DENND1B: variants seen among roughly 807,000 people sequenced by gnomAD.
DENND1B encodes DENN domain-containing protein 1B.
A neutral mutation model predicts 90.1 loss-of-function variants in DENND1B; 59 were observed. The observed-to-expected ratio is 0.65, with a 90% CI of 0.53 to 0.81. The LOEUF (loss-of-function observed/expected upper bound fraction) is 0.81. Ranked by LOEUF, DENND1B falls within the 40% of genes least tolerant of loss-of-function variation. DENND1B has a pLI of 0.00. For synonymous variants in DENND1B, 337 were observed against 324.6 expected (o/e 1.04, Z -0.41); for missense variants, 862 against 912.6 (o/e 0.94, Z 0.71).
rs1328679220 is a variant in DENND1B at position 197,692,843 on chromosome 1, C to G, written c.127-18674G>C. On this transcript the variant is annotated intron_variant, in intron 3 of 22. Transcript: ENST00000620048. ...GTTGTTCTTGGAGATTCTTTTCTTTCCCTAAACTTTGCCTGGTAAGTTCAT... is the reference window on the plus strand; with the variant it reads ...GTTGTTCTTGGAGATTCTTTTCTTTGCCTAAACTTTGCCTGGTAAGTTCAT... Among the ~76,000 whole-genome samples the G allele has an allele frequency of 5.3e-5, 8 of 151,690 alleles. No individual in the cohort carries two copies. The East Asian group carries it at 1.5e-3, about 29-fold the overall frequency.
chr1:197,665,172 A>T (rs906883677), intron 5 of DENND1B, among the ~76,000 whole-genome samples: 6 of 151,938 alleles, frequency 3.9e-5, no homozygotes, highest in African/African-American at 9.7e-5. Flanking sequence ...CTAAATTCTA[A>T]TTTTTTTTCT....
At chr1:197,750,307 A>C (rs1653297494) in intron 2 of DENND1B, among the ~76,000 whole-genome samples, 1 of 152,208 alleles carries the variant, frequency 6.6e-6, no homozygotes, top group South Asian at 2.1e-4. Context: ...ATAATCATCA[A>C]GTACAATGTA....
intron 2 of DENND1B, among the ~76,000 whole-genome samples, chr1:197,720,900 T>G (rs1661109591): frequency 6.6e-6 from 1 of 152,152 alleles, no homozygotes; most frequent in South Asian, 2.1e-4. Flanking sequence ...TATAAGCAGA[T>G]GTTTGTACAA....
At chr1:197,676,906 G>T (rs1311812483) in intron 3 of DENND1B, among the ~76,000 whole-genome samples, 1 of 152,010 alleles carries the variant, frequency 6.6e-6, no homozygotes, top group Admixed American at 6.6e-5. Context: ...AATTGCTAGT[G>T]TTAGAGTGGT....
intron 18 of DENND1B, among the ~76,000 whole-genome samples, chr1:197,543,861 A>C (rs1670520705): frequency 6.6e-6 from 1 of 152,158 alleles, no homozygotes; most frequent in Admixed American, 6.5e-5. Context: ...ATTTTAACTC[A>C]AGGAATAACA....
At chr1:197,551,613 G>T (rs1339758769) in intron 16 of DENND1B, among the ~76,000 whole-genome samples, 1 of 152,066 alleles carries the variant, frequency 6.6e-6, no homozygotes. Context: ...TAAGACTACA[G>T]AATTTAACTG....
At chr1:197,631,249 G>T (rs569448720) in intron 10 of DENND1B, among the ~76,000 whole-genome samples, 6 of 152,102 alleles carry the variant, frequency 3.9e-5, no homozygotes, top group Admixed American at 2.0e-4. Flanking sequence ...ACATAATTTG[G>T]CAATCATTTT....
intron 10 of DENND1B, among the ~76,000 whole-genome samples, chr1:197,638,383 C>G (rs1035476322): frequency 6.6e-6 from 1 of 152,186 alleles, no homozygotes; most frequent in Non-Finnish European, 1.5e-5. Flanking sequence ...TTAAAAGAAG[C>G]ATCCCTTCCA....
At chr1:197,575,064 G>A (rs1305350406) in intron 15 of DENND1B, among the ~76,000 whole-genome samples, 1 of 152,120 alleles carries the variant, frequency 6.6e-6, no homozygotes, top group Non-Finnish European at 1.5e-5. Context: ...AAAAGCAATG[G>A]CAACAAAAGC....
intron 11 of DENND1B, among the ~76,000 whole-genome samples, chr1:197,614,713 T>C (rs3814321): frequency 0.8 from 120,662 of 150,664 alleles, 48,411 homozygotes; most frequent in East Asian, 0.87. Flanking sequence ...CAGCAGTCTA[T>C]TGGGGTAGTC....
intron 2 of DENND1B, among the ~76,000 whole-genome samples, chr1:197,755,263 A>G (rs1654128934): frequency 6.6e-6 from 1 of 152,222 alleles, no homozygotes; most frequent in African/African-American, 2.4e-5. Context: ...CCTCAAACAT[A>G]AAATAGGAAT....
At chr1:197,540,131 T>G in intron 19 of DENND1B, 60 bp from the exon 20 acceptor site, 1 of 1,176,780 alleles carries the variant, frequency 8.5e-7, no homozygotes, top group Non-Finnish European at 1.2e-6. Flanking sequence ...TACTAACGTA[T>G]TAGATTAATA....
At chr1:197,541,748 C>T (rs1386084146) in intron 18 of DENND1B, among the ~76,000 whole-genome samples, 3 of 152,150 alleles carry the variant, frequency 2.0e-5, no homozygotes, top group Non-Finnish European at 4.4e-5. Context: ...AAATATATGA[C>T]TGTGTGCTGG....
intron 10 of DENND1B, among the ~76,000 whole-genome samples, chr1:197,621,937 T>G (rs1678208294): frequency 6.6e-6 from 1 of 151,504 alleles, no homozygotes; most frequent in East Asian, 1.9e-4. Flanking sequence ...TATATTGAAC[T>G]AATACAGTTC....
intron 18 of DENND1B, among the ~76,000 whole-genome samples, chr1:197,542,536 T>C (rs997786460): frequency 4.6e-5 from 7 of 152,304 alleles, no homozygotes; most frequent in Middle Eastern, 3.4e-3. Context: ...TAGTTCACGA[T>C]AGGCACTCAA....
At chr1:197,665,960 T>G (rs1281130430) in intron 5 of DENND1B, among the ~76,000 whole-genome samples, 2 of 152,188 alleles carry the variant, frequency 1.3e-5, no homozygotes, top group African/African-American at 4.8e-5. Context: ...AAGCCATTAT[T>G]ATCTCACAGT....
chr1:197,674,003 T>C, intron 4 of DENND1B, 117 bp downstream of exon 4: 1 of 734,298 alleles, frequency 1.4e-6, no homozygotes, highest in Non-Finnish European at 2.2e-6. Flanking sequence ...TCTCTAGCCT[T>C]TTTGTGAGAA....
intron 2 of DENND1B, among the ~76,000 whole-genome samples, chr1:197,739,836 A>G (rs367908159): frequency 6.6e-6 from 1 of 152,244 alleles, no homozygotes; most frequent in African/African-American, 2.4e-5. Flanking sequence ...GAAAATAAGC[A>G]AATGATTTCA....
At chr1:197,753,612 T>C (rs1361325865) in intron 2 of DENND1B, among the ~76,000 whole-genome samples, 1 of 152,060 alleles carries the variant, frequency 6.6e-6, no homozygotes, top group East Asian at 1.9e-4. Flanking sequence ...GTGGGGGATG[T>C]TGATAGTGAG....
Sources: allele counts gnomAD v4.1 joint callset (sites outside exome capture counted in the v4.1 genomes callset), GRCh38; gene constraint gnomAD v4.1.1; transcripts MANE v1.5; gene names NCBI Gene and HGNC (gene_info 2026-07-23, HGNC 2026-07-21).